WDFY3: variants seen among roughly 807,000 people sequenced by gnomAD.
The protein encoded by WDFY3 is WD repeat and FYVE domain containing 3, also known as WD repeat and FYVE domain-containing protein 3.
Under a neutral mutation model 409.6 loss-of-function variants are expected in WDFY3, and 66 were observed. The ratio of observed to expected loss-of-function variants is 0.16; its 90% CI spans 0.13 to 0.20. WDFY3 has a LOEUF of 0.20. Ranked by LOEUF, WDFY3 falls within the 10% of genes least tolerant of loss-of-function variation. The pLI is 1.00. For synonymous variants in WDFY3, 1,521 were observed against 1,537.1 expected (o/e 0.99, Z 0.25); for missense variants, 3,031 against 4,298.1 (o/e 0.71, Z 8.24).
chr4:84,805,799 T>C (rs1045900042), intron 15 of WDFY3, among the ~76,000 whole-genome samples: 12 of 152,302 alleles, frequency 7.9e-5, no homozygotes, highest in East Asian at 1.9e-4. Flanking sequence ...TTTTGTTCCA[T>C]TGCAGTTATA....
intron 26 of WDFY3, among the ~76,000 whole-genome samples, chr4:84,779,615 A>G (rs1325815026): frequency 1.3e-5 from 2 of 152,066 alleles, no homozygotes; most frequent in African/African-American, 2.4e-5. Flanking sequence ...TAGCAATGGT[A>G]CACTTATTAT....
At chr4:84,931,625 C>T (rs927632857) in intron 2 of WDFY3, among the ~76,000 whole-genome samples, 30 of 152,140 alleles carry the variant, frequency 2.0e-4, no homozygotes, top group African/African-American at 7.2e-4. Context: ...GATCCTGTGG[C>T]ATCTCCTGGG....
chr4:84,924,277 A>G (rs977386563), intron 2 of WDFY3, among the ~76,000 whole-genome samples: 8 of 152,270 alleles, frequency 5.3e-5, no homozygotes, highest in Admixed American at 5.2e-4. Context: ...ATCATTGCAG[A>G]GGTTTCTACA....
At chr4:84,745,706 A>G (rs1739315393) in intron 36 of WDFY3, among the ~76,000 whole-genome samples, 1 of 152,156 alleles carries the variant, frequency 6.6e-6, no homozygotes, top group Non-Finnish European at 1.5e-5. Flanking sequence ...CTAATTTGGG[A>G]AAAAGTGAAG....
intron 58 of WDFY3, among the ~76,000 whole-genome samples, chr4:84,695,162 G>T (rs1287850317): frequency 6.6e-6 from 1 of 152,012 alleles, no homozygotes; most frequent in African/African-American, 2.4e-5. Flanking sequence ...CGGACAATGG[G>T]GATGACAGAA....
intron 32 of WDFY3, among the ~76,000 whole-genome samples, chr4:84,760,276 G>A (rs1284786200): frequency 2.0e-5 from 3 of 151,890 alleles, no homozygotes; most frequent in African/African-American, 7.3e-5. Flanking sequence ...TTTTTTGGTT[G>A]TGTCTCTGCC....
intron 45 of WDFY3, among the ~76,000 whole-genome samples, chr4:84,726,231 G>A (rs1236807918): frequency 6.6e-6 from 1 of 152,108 alleles, no homozygotes; most frequent in African/African-American, 2.4e-5. Flanking sequence ...TTCATGTACA[G>A]ATTTAAAATT....
chr4:84,724,472 A>G lies in WDFY3; in HGVS notation c.7395T>C (p.Ala2465=). 1.2e-6 allele frequency: 2 copies of G among 1,614,080 alleles called. No individual in the cohort carries two copies. Among genetic ancestry groups the G allele is most frequent in the Non-Finnish European group, 1.7e-6 (2 of 1,179,958 alleles). Residue 2465 remains alanine (A), a synonymous_variant, in exon 46 of 68, where the codon GCT becomes GCC. Transcript: ENST00000295888. ...AIVESSEGEA[A]QQEPEHGEDT... is the part of the protein sequence containing the mutation. ...CTTCCCCATGCTCTGGTTCTTGCTG[A>G]GCAGCTTCACCTTCTGAACTCTCCA...
At chr4:84,954,611 A>G (rs1774012766) in intron 1 of WDFY3, among the ~76,000 whole-genome samples, 1 of 152,240 alleles carries the variant, frequency 6.6e-6, no homozygotes, top group African/African-American at 2.4e-5. Context: ...AGAGTTCCTC[A>G]GAGTAACAGT....
In WDFY3 at chr4:84,926,957, C is replaced by A. The variant is rs537144596; in HGVS notation, c.-132+5313G>T. ...TAAATTTTTGTATGATTTCTGCTAACCCTGCTAACAAGTAAAAAGGAATAC... is the reference window on the plus strand; with the variant it reads ...TAAATTTTTGTATGATTTCTGCTAAACCTGCTAACAAGTAAAAAGGAATAC... On this transcript the variant is annotated intron_variant, in intron 2 of 67. Coordinates refer to ENST00000295888, the MANE Select transcript of WDFY3 (RefSeq NM_014991.6). 5.3e-5 allele frequency among the ~76,000 whole-genome samples: 8 copies of A among 152,264 alleles called. No individual in the cohort carries two copies. In the South Asian group the frequency reaches 1.5e-3, roughly 28 times the overall value.
intron 42 of WDFY3, 66 bp downstream of exon 42, chr4:84,736,104 T>C: frequency 2.0e-6 from 3 of 1,466,872 alleles, no homozygotes; most frequent in South Asian, 3.1e-5. Context: ...AATCAATTGC[T>C]TGTACATGTT....
At chr4:84,852,438 A>G (rs1216590639) in intron 4 of WDFY3, among the ~76,000 whole-genome samples, 2 of 152,242 alleles carry the variant, frequency 1.3e-5, no homozygotes, top group East Asian at 1.9e-4. Context: ...AAAGATCCCA[A>G]TAAAAGAATA....
intron 1 of WDFY3, among the ~76,000 whole-genome samples, chr4:84,951,522 G>A (rs1451968867): frequency 6.6e-6 from 1 of 152,124 alleles, no homozygotes; most frequent in Non-Finnish European, 1.5e-5. Context: ...TAAAGCCTGT[G>A]CACAATACTT....
At chr4:84,691,272 G>A (rs979160141) in intron 60 of WDFY3, among the ~76,000 whole-genome samples, 2 of 151,990 alleles carry the variant, frequency 1.3e-5, no homozygotes, top group East Asian at 3.9e-4. Flanking sequence ...TGAAAAGTGG[G>A]GCAGATGGTG....
intron 2 of WDFY3, among the ~76,000 whole-genome samples, chr4:84,931,185 T>C (rs1770720943): frequency 6.6e-6 from 1 of 152,194 alleles, no homozygotes; most frequent in Non-Finnish European, 1.5e-5. Flanking sequence ...CTATCGCACA[T>C]GTGGAAGAAG....
chr4:84,715,219 A>G, intron 50 of WDFY3, 79 bp downstream of exon 50: 1 of 785,748 alleles, frequency 1.3e-6, no homozygotes, highest in Non-Finnish European at 2.0e-6. Flanking sequence ...AGATTTTTAA[A>G]AACCAGCAAA....
At position 84,796,600 on chromosome 4, in the gene WDFY3, T is replaced by C; in HGVS notation, c.3088A>G (p.Thr1030Ala). The C allele has an allele frequency of 6.2e-7, 1 of 1,613,944 alleles. No individual in the cohort carries two copies. Among genetic ancestry groups the C allele is most frequent in the Non-Finnish European group, 8.5e-7 (1 of 1,179,922 alleles). Residue 1030 changes from threonine to alanine, a missense_variant, in exon 19 of 68, where the codon ACC becomes GCC. Thr to Ala is a moderately conservative substitution (Grantham distance 58). Around this residue, in one of 16 missense-constraint regions of WDFY3, gnomAD observed 1,322 missense variants for 1,697.9 expected, o/e 0.78. Transcript: ENST00000295888. The part of the protein sequence containing the change: ...TRVKCLVSMT[T>A]PHDIRLHGSS... ...CCATGAAGTCTGATGTCATGTGGGG[T>C]TGTCATGGAGACCAGACACTTCACC...
intron 36 of WDFY3, among the ~76,000 whole-genome samples, chr4:84,746,145 CAAA>C (rs761664622): frequency 1.6e-4 from 10 of 60,626 alleles, no homozygotes; most frequent in African/African-American, 3.9e-4. Flanking sequence ...CTGTCTCTAC[CAAA>C]AAAAAAAAAA....
At chr4:84,750,412 CAT>C (rs746129869) in intron 36 of WDFY3, among the ~76,000 whole-genome samples, 5 of 151,828 alleles carry the variant, frequency 3.3e-5, no homozygotes, top group Admixed American at 1.3e-4. Context: ...ATAAGATAAA[CAT>C]GTGGTTTTCA....
Sources: allele counts gnomAD v4.1 joint callset (sites outside exome capture counted in the v4.1 genomes callset), GRCh38; gene constraint gnomAD v4.1.1; regional missense constraint gnomAD v4.1.1; transcripts MANE v1.5; gene names NCBI Gene and HGNC (gene_info 2026-07-23, HGNC 2026-07-21).